AKAP19: variants seen among roughly 807,000 people sequenced by gnomAD.
AKAP19 encodes A-kinase anchoring protein 19, also known as small A-kinase anchoring protein.
chr2:189,935,300 G>A, the AKAP19 span, among the ~76,000 whole-genome samples: 3 of 144,462 alleles, frequency 2.1e-5, no homozygotes, highest in Admixed American at 6.9e-5. Flanking sequence ...ACTAGCACGT[G>A]TGCAAAAAGA....
At chr2:189,919,011 A>G in the AKAP19 span, among the ~76,000 whole-genome samples, 173 of 152,374 alleles carry the variant, frequency 1.1e-3, no homozygotes, top group Non-Finnish European at 2.1e-3. Context: ...AATATTAAAT[A>G]GAAAATTCTG....
At chr2:189,979,465 C>G in the AKAP19 span, among the ~76,000 whole-genome samples, 1 of 152,092 alleles carries the variant, frequency 6.6e-6, no homozygotes, top group Non-Finnish European at 1.5e-5. Flanking sequence ...AGACCTCAAA[C>G]TATAAATGTC....
chr2:189,913,700 C>T, the AKAP19 span, among the ~76,000 whole-genome samples: 1 of 152,026 alleles, frequency 6.6e-6, no homozygotes, highest in African/African-American at 2.4e-5. Context: ...GAATTTGATA[C>T]AGTGTTACCT....
At chr2:189,932,189 A>G in the AKAP19 span, among the ~76,000 whole-genome samples, 2 of 151,960 alleles carry the variant, frequency 1.3e-5, no homozygotes. Context: ...GTCGTTAAAA[A>G]GTGAGGTCAG....
the AKAP19 span, chr2:190,060,426 A>G: frequency 6.2e-7 from 1 of 1,609,784 alleles, no homozygotes; most frequent in African/African-American, 1.3e-5. Context: ...CACTTGCATT[A>G]GAAAATCAGC....
At chr2:190,095,164 G>A in the AKAP19 span, among the ~76,000 whole-genome samples, 1 of 152,200 alleles carries the variant, frequency 6.6e-6, no homozygotes, top group Admixed American at 6.5e-5. Flanking sequence ...GGAGGTTACA[G>A]TGAGCCAAGA....
the AKAP19 span, among the ~76,000 whole-genome samples, chr2:190,064,615 C>T: frequency 6.6e-6 from 1 of 152,066 alleles, no homozygotes; most frequent in South Asian, 2.1e-4. Context: ...CTGAATATGG[C>T]ACCTGTCATA....
chr2:190,051,596 G>C, the AKAP19 span, among the ~76,000 whole-genome samples: 1 of 152,142 alleles, frequency 6.6e-6, no homozygotes, highest in Non-Finnish European at 1.5e-5. Context: ...TCAGTCACAG[G>C]TATGCACTCT....
the AKAP19 span, chr2:189,923,255 G>A: frequency 7.1e-6 from 10 of 1,409,988 alleles, no homozygotes; most frequent in South Asian, 6.4e-5. Context: ...GCAGAACCCG[G>A]GAGTAGGAGA....
chr2:190,096,602 T>C, the AKAP19 span, among the ~76,000 whole-genome samples: 1 of 152,224 alleles, frequency 6.6e-6, no homozygotes, highest in Admixed American at 6.5e-5. Context: ...ATTCATGCTA[T>C]CATTGACTCT....
At chr2:189,930,574 G>A in the AKAP19 span, 1 of 237,322 alleles carries the variant, frequency 4.2e-6, no homozygotes, top group South Asian at 6.3e-5. Flanking sequence ...TACTCCGGAG[G>A]CTGAGGCAGG....
At chr2:190,005,599 T>A in the AKAP19 span, among the ~76,000 whole-genome samples, 1 of 152,216 alleles carries the variant, frequency 6.6e-6, no homozygotes, top group East Asian at 1.9e-4. Context: ...TCTGTTGCAT[T>A]GCAGTCTTTA....
the AKAP19 span, among the ~76,000 whole-genome samples, chr2:190,021,471 C>T: frequency 2.0e-5 from 3 of 152,236 alleles, 1 homozygote; most frequent in South Asian, 6.2e-4. Flanking sequence ...CGGGATTTTC[C>T]ACTGTGGCAG....
At chr2:190,050,802 T>G in the AKAP19 span, among the ~76,000 whole-genome samples, 2 of 152,186 alleles carry the variant, frequency 1.3e-5, no homozygotes, top group African/African-American at 4.8e-5. Context: ...AGAGAGAGGC[T>G]TCAGACACTG....
the AKAP19 span, among the ~76,000 whole-genome samples, chr2:190,080,559 G>C: frequency 2.4e-4 from 36 of 152,342 alleles, no homozygotes; most frequent in East Asian, 6.6e-3. Context: ...CAGGCACTTG[G>C]TAAGACCCAA....
chr2:189,953,649 A>AAC, the AKAP19 span, among the ~76,000 whole-genome samples: 16 of 144,244 alleles, frequency 1.1e-4, 1 homozygote, highest in Non-Finnish European at 1.7e-4. Flanking sequence ...AAAAAAAAAA[A>AAC]AAAAAAAAAA....
At chr2:189,976,792 TCTC>T in the AKAP19 span, among the ~76,000 whole-genome samples, 9 of 152,292 alleles carry the variant, frequency 5.9e-5, no homozygotes, top group Middle Eastern at 6.8e-3. Context: ...CGGAATATAA[TCTC>T]CTGGTGTGCC....
the AKAP19 span, among the ~76,000 whole-genome samples, chr2:190,097,584 G>A: frequency 1.3e-5 from 2 of 152,130 alleles, no homozygotes; most frequent in African/African-American, 2.4e-5. Context: ...CAAAATTGGA[G>A]TCAATCCTCT....
the AKAP19 span, among the ~76,000 whole-genome samples, chr2:189,901,155 A>T: frequency 1.3e-5 from 2 of 151,920 alleles, no homozygotes; most frequent in Non-Finnish European, 2.9e-5. Flanking sequence ...AAAAATTACT[A>T]ATTTATTATG....
Sources: gnomAD v4.1 joint callset for allele counts (sites outside exome capture counted in the v4.1 genomes callset) on GRCh38, gnomAD v4.1.1 for gene constraint, MANE v1.5 for transcripts, NCBI Gene and HGNC (gene_info 2026-07-23, HGNC 2026-07-21) for gene names.